SCAI: variants seen among roughly 807,000 people sequenced by gnomAD.
SCAI encodes the protein suppressor of cancer cell invasion.
Under a neutral mutation model 92.2 loss-of-function variants are expected in SCAI, and 24 were observed. That is an observed-to-expected ratio of 0.26 (90% confidence interval 0.19 to 0.37). The LOEUF is 0.37. Ranked by LOEUF, SCAI falls within the 10% of genes least tolerant of loss-of-function variation. The pLI, the probability that SCAI is intolerant of heterozygous loss-of-function variation, is 1.00. For synonymous variants in SCAI, 261 were observed against 258.6 expected, an observed-to-expected ratio of 1.01 and a Z score of -0.09; for missense variants, 450 against 736.2, an observed-to-expected ratio of 0.61 and a Z score of 4.50.
In SCAI at chr9:124,969,196, C is replaced by T. The variant is rs773959405; in HGVS notation, c.1674+2174G>A. ...CTAGCCTGAAGTGATGCTCCTGTCTCGGCCTCCCAAAGTGCTGAGATTACA... is the reference window on the plus strand; with the variant it reads ...CTAGCCTGAAGTGATGCTCCTGTCTTGGCCTCCCAAAGTGCTGAGATTACA... On this transcript the variant is annotated intron_variant, in intron 17 of 17. Coordinates refer to ENST00000336505, the MANE Select transcript of SCAI (RefSeq NM_001144877.3). Among the ~76,000 whole-genome samples, 7 of 152,252 alleles carry T rather than the reference C, an allele frequency of 4.6e-5. No individual in the cohort carries two copies. In the East Asian group the frequency reaches 1.3e-3, roughly 29 times the overall value.
intron 2 of SCAI, among the ~76,000 whole-genome samples, chr9:125,096,772 T>C (rs902902034): frequency 8.5e-5 from 13 of 152,232 alleles, no homozygotes; most frequent in African/African-American, 2.4e-4. Context: ...ACTCAATAAC[T>C]GTACACCTTT....
chr9:125,002,552 G>A (rs903718413), intron 11 of SCAI, among the ~76,000 whole-genome samples: 28 of 138,342 alleles, frequency 2.0e-4, no homozygotes, highest in African/African-American at 6.5e-4. Context: ...GCGCGATCTC[G>A]GCTCACCGCA....
intron 2 of SCAI, among the ~76,000 whole-genome samples, chr9:125,121,890 T>C (rs1054415437): frequency 6.6e-6 from 1 of 152,008 alleles, no homozygotes; most frequent in Non-Finnish European, 1.5e-5. Context: ...AGAGTAAAAA[T>C]GCTATGAACA....
intron 2 of SCAI, among the ~76,000 whole-genome samples, chr9:125,058,549 G>C (rs1833715477): frequency 6.6e-6 from 1 of 152,148 alleles, no homozygotes; most frequent in South Asian, 2.1e-4. Flanking sequence ...GTGAACTCAT[G>C]GATTTCTGAA....
At chr9:125,026,654 T>C (rs1832971314) in intron 6 of SCAI, among the ~76,000 whole-genome samples, 158 bp downstream of exon 6, 2 of 152,222 alleles carry the variant, frequency 1.3e-5, no homozygotes, top group Non-Finnish European at 2.9e-5. Flanking sequence ...TAACATAAAC[T>C]TCTCTATGCT....
At chr9:125,124,013 A>G (rs1298438558) in intron 2 of SCAI, among the ~76,000 whole-genome samples, 1 of 152,192 alleles carries the variant, frequency 6.6e-6, no homozygotes, top group Non-Finnish European at 1.5e-5. Flanking sequence ...TTAGAGTAAA[A>G]TGTTTCCAAA....
rs1343649549 is a variant in SCAI, at chr9:124,944,527, C to G, written c.*8280G>C. ...AGCGACAGGGTTTCACTGTATTGCC[C>G]AGACTGGTCTCCAACTCCTGAGTAA... On this transcript the variant is annotated 3_prime_UTR_variant, in exon 18 of 18. Coordinates refer to ENST00000336505, the MANE Select transcript of SCAI (RefSeq NM_001144877.3). 1 of 147,750 alleles carries G rather than the reference C, an allele frequency of 6.8e-6. No individual in the cohort carries two copies. Among genetic ancestry groups the G allele is most frequent in the African/African-American group, 2.5e-5 (1 of 39,530 alleles). 9.2% of individuals were successfully genotyped at this position (147,750 alleles called of 1,614,324 possible). A position where few individuals can be genotyped will look rare whatever the true frequency, so the allele number is the denominator to read the frequency against.
At chr9:125,048,622 T>C (rs994579859) in intron 3 of SCAI, among the ~76,000 whole-genome samples, 1 of 152,098 alleles carries the variant, frequency 6.6e-6, no homozygotes, top group South Asian at 2.1e-4. Flanking sequence ...ACTGTTAATT[T>C]CTCAGTTGTC....
At chr9:124,980,321 T>C (rs561947930) in intron 14 of SCAI, among the ~76,000 whole-genome samples, 11 of 152,118 alleles carry the variant, frequency 7.2e-5, no homozygotes, top group Admixed American at 4.6e-4. Context: ...TTTTTTTTTT[T>C]TCCCCCAATA....
intron 15 of SCAI, among the ~76,000 whole-genome samples, chr9:124,975,057 A>C (rs1044648340): frequency 6.6e-6 from 1 of 152,256 alleles, no homozygotes; most frequent in African/African-American, 2.4e-5. Flanking sequence ...ATTGATAGCA[A>C]AAAGTACTGC....
chr9:124,953,423 T>A (rs975819116), intron 17 of SCAI, among the ~76,000 whole-genome samples: 17 of 151,952 alleles, frequency 1.1e-4, no homozygotes, highest in African/African-American at 4.1e-4. Context: ...GGTCAGGAGT[T>A]TGAGACCAGC....
intron 2 of SCAI, among the ~76,000 whole-genome samples, chr9:125,126,390 GGGGTGTGT>G (rs1361506740): frequency 3.8e-4 from 49 of 129,906 alleles, no homozygotes; most frequent in Middle Eastern, 7.1e-3. Flanking sequence ...AAGTGAGTTG[GGGGTGTGT>G]GTGTGTGTGT....
At chr9:125,111,194 G>A (rs10986566) in intron 2 of SCAI, among the ~76,000 whole-genome samples, 35,573 of 150,958 alleles carry the variant, frequency 0.24, 4,665 homozygotes, top group Non-Finnish European at 0.3. Context: ...GAAATTTAAG[G>A]TTGGTTTAAC....
At chr9:125,055,730 G>T in intron 3 of SCAI, 146 bp downstream of exon 3, 1 of 489,722 alleles carries the variant, frequency 2.0e-6, no homozygotes, top group Non-Finnish European at 3.5e-6. Flanking sequence ...TTTTAAAAAT[G>T]ATGTCAAAGA....
intron 13 of SCAI, among the ~76,000 whole-genome samples, chr9:124,997,216 C>T (rs1832255538): frequency 6.6e-6 from 1 of 152,176 alleles, no homozygotes; most frequent in Non-Finnish European, 1.5e-5. Context: ...AAATTCCACA[C>T]CTGACCTCAC....
At chr9:125,069,772 G>A (rs894316283) in intron 2 of SCAI, among the ~76,000 whole-genome samples, 3 of 151,306 alleles carry the variant, frequency 2.0e-5, no homozygotes, top group Non-Finnish European at 2.9e-5. Flanking sequence ...ACAGGCGCCC[G>A]CCACCACACC....
chr9:125,104,501 G>A (rs1285615871), intron 2 of SCAI, among the ~76,000 whole-genome samples: 3 of 150,472 alleles, frequency 2.0e-5, no homozygotes, highest in Middle Eastern at 3.5e-3. Context: ...CTGTCTGTCA[G>A]ATAATCTTTG....
In SCAI at chr9:125,042,858, C is replaced by CTTT. The variant is rs770118712; in HGVS notation, c.230+13015_230+13017dup. ...TCTGGGACCACATTCTGCTCCCTGG[C>CTTT]TTTTTTTTTTTTTTTTTTTTTTTTT... On this transcript the variant is annotated intron_variant, in intron 3 of 17. Coordinates refer to ENST00000336505, the MANE Select transcript of SCAI (RefSeq NM_001144877.3). Among the ~76,000 whole-genome samples the CTTT allele has an allele frequency of 5.3e-4, 27 of 50,994 alleles. 5 individuals are homozygous for CTTT. The highest frequency in any genetic ancestry group is 8.9e-4 in the African/African-American group (11 of 12,414). 33.5% of individuals were successfully genotyped at this position (50,994 alleles called of 152,430 possible). A position where few individuals can be genotyped will look rare whatever the true frequency, so the allele number is the denominator to read the frequency against.
intron 12 of SCAI, 37 bp from the exon 13 acceptor site, chr9:125,000,027 G>T (rs1832324080): frequency 2.1e-6 from 2 of 963,838 alleles, no homozygotes; most frequent in South Asian, 1.4e-5. Flanking sequence ...GACTTCAGTT[G>T]AAGACTAACA....
Sources: gnomAD v4.1 joint callset for allele counts (sites outside exome capture counted in the v4.1 genomes callset) on GRCh38, gnomAD v4.1.1 for gene constraint, MANE v1.5 for transcripts, NCBI Gene and HGNC (gene_info 2026-07-23, HGNC 2026-07-21) for gene names.